The following SNX9 variants were observed in gnomAD, a reference collection of about 807,000 sequenced individuals.
SNX9 encodes sorting nexin-9.
In SNX9, 44 loss-of-function variants were observed where a neutral mutation model predicts 89.4. The ratio of observed to expected loss-of-function variants is 0.49; its 90% confidence interval spans 0.39 to 0.63. The LOEUF (loss-of-function observed/expected upper bound fraction) is 0.63, where lower values mean the gene tolerates loss of function less well. Ranked by LOEUF, SNX9 falls within the 30% of genes least tolerant of loss-of-function variation. The probability of loss-of-function intolerance (pLI) is 0.00; values close to 1 mark genes in which losing one functional copy is unlikely to be tolerated. For missense variants in SNX9, 578 were observed against 736.1 expected (o/e 0.79, Z 2.49); for synonymous variants, 236 against 247.8 (o/e 0.95, Z 0.45).
At chr6:157,882,485 C>T (rs2092561) in intron 4 of SNX9, among the ~76,000 whole-genome samples, 4,548 of 152,268 alleles carry the variant, frequency 0.03, 223 homozygotes, top group African/African-American at 0.1. Context: ...AAGGCTATGG[C>T]TGCCATAAAT....
chr6:157,853,537 T>TC (rs562408398), intron 1 of SNX9, among the ~76,000 whole-genome samples: 1 of 152,282 alleles, frequency 6.6e-6, no homozygotes, highest in South Asian at 2.1e-4. Context: ...TTTTCTGTCT[T>TC]CCCCTCCATC....
At chr6:157,876,771 G>A (rs1014068004) in intron 4 of SNX9, among the ~76,000 whole-genome samples, 20 of 152,214 alleles carry the variant, frequency 1.3e-4, no homozygotes, top group Admixed American at 6.5e-4. Context: ...GAGGCCCCGC[G>A]CCCTTTCCTA....
intron 6 of SNX9, among the ~76,000 whole-genome samples, chr6:157,905,098 C>T (rs533383587): frequency 4.7e-4 from 72 of 152,270 alleles, no homozygotes; most frequent in Non-Finnish European, 9.0e-4. Context: ...CTAAGGCTAC[C>T]TAAGTGTTGG....
intron 6 of SNX9, 35 bp from the exon 7 acceptor site, chr6:157,906,093 T>A (rs1211682277): frequency 6.4e-7 from 1 of 1,564,584 alleles, no homozygotes; most frequent in African/African-American, 1.4e-5. Context: ...ACAAGGAAAG[T>A]CTTAAGACTG....
At chr6:157,854,710 C>T (rs193281015) in intron 1 of SNX9, among the ~76,000 whole-genome samples, 3 of 152,210 alleles carry the variant, frequency 2.0e-5, no homozygotes, top group Admixed American at 6.5e-5. Context: ...ATTATTGGTT[C>T]TCAGAATGAA....
chr6:157,902,538 G>T (rs143833953), intron 6 of SNX9, among the ~76,000 whole-genome samples: 2 of 152,236 alleles, frequency 1.3e-5, no homozygotes, highest in East Asian at 3.9e-4. Context: ...CGCATCGAGT[G>T]TTCCAGTCAG....
At chr6:157,915,571 A>G (rs1783442998) in intron 9 of SNX9, among the ~76,000 whole-genome samples, 1 of 146,974 alleles carries the variant, frequency 6.8e-6, no homozygotes, top group Admixed American at 6.8e-5. Context: ...GGATCACCTG[A>G]GGTCAGGAGT....
chr6:157,924,815 G>A (rs773351680), intron 10 of SNX9: 2 of 152,184 alleles, frequency 1.3e-5, no homozygotes, highest in African/African-American at 2.4e-5. Flanking sequence ...GGTAATTATC[G>A]AAGCTGAACC....
chr6:157,915,434 A>G (rs1366266427), intron 9 of SNX9, among the ~76,000 whole-genome samples: 3 of 151,542 alleles, frequency 2.0e-5, no homozygotes, highest in Admixed American at 1.3e-4. Flanking sequence ...TTTGATTTTC[A>G]TTAGGGTTTT....
chr6:157,921,379 T>C (rs1783577663), intron 9 of SNX9, 152 bp from the exon 10 acceptor site: 4 of 678,456 alleles, frequency 5.9e-6, no homozygotes, highest in Non-Finnish European at 9.3e-6. Flanking sequence ...GCTTGTTTTT[T>C]AGATTAGTTA....
chr6:157,901,769 T>C, intron 5 of SNX9, 129 bp from the exon 6 acceptor site: 1 of 1,010,708 alleles, frequency 9.9e-7, no homozygotes, highest in African/African-American at 1.6e-5. Flanking sequence ...TCCTATACTA[T>C]ACCCTTTTCT....
At chr6:157,879,736 TG>T (rs1438297451) in intron 4 of SNX9, among the ~76,000 whole-genome samples, 3 of 152,370 alleles carry the variant, frequency 2.0e-5, no homozygotes, top group African/African-American at 7.2e-5. Flanking sequence ...GTGCTAGTCT[TG>T]TTTTTCATCA....
chr6:157,931,981 G>T (rs1311323229), intron 12 of SNX9, among the ~76,000 whole-genome samples: 1 of 152,174 alleles, frequency 6.6e-6, no homozygotes, highest in African/African-American at 2.4e-5. Context: ...GTGATTGTCA[G>T]TAATAATAGC....
In SNX9 at chr6:157,944,676, A is replaced by G. The variant is rs911515479; in HGVS notation, c.*1838A>G. ...ATTCATCATTTCAGTTCCGTAGGTCAGTGTTGCGGTCCGGGAAGCGTATCA... is the reference window on the plus strand; with the variant it reads ...ATTCATCATTTCAGTTCCGTAGGTCGGTGTTGCGGTCCGGGAAGCGTATCA... On this transcript the variant is annotated 3_prime_UTR_variant, in exon 18 of 18. Coordinates refer to ENST00000392185, the MANE Select transcript of SNX9 (RefSeq NM_016224.5). 4 of 152,164 alleles carry G rather than the reference A, an allele frequency of 2.6e-5. No homozygotes were observed. The highest frequency in any genetic ancestry group is 2.0e-4 in the Admixed American group (3 of 15,272). The allele number at this position is 152,164 out of a possible 1,614,324, so 9.4% of individuals were successfully genotyped here. A position where few individuals can be genotyped will look rare whatever the true frequency, so the allele number is the denominator to read the frequency against.
chr6:157,832,769 A>G (rs1781501103), intron 1 of SNX9, among the ~76,000 whole-genome samples: 1 of 152,176 alleles, frequency 6.6e-6, no homozygotes, highest in African/African-American at 2.4e-5. Flanking sequence ...CCATGATTCA[A>G]TTACCCCCAC....
intron 1 of SNX9, among the ~76,000 whole-genome samples, chr6:157,830,728 G>T (rs1781463867): frequency 6.6e-6 from 1 of 152,146 alleles, no homozygotes; most frequent in South Asian, 2.1e-4. Flanking sequence ...AATTTCAGTA[G>T]CCACATGTGG....
At chr6:157,876,426 G>A (rs1434230028) in intron 4 of SNX9, among the ~76,000 whole-genome samples, 1 of 152,176 alleles carries the variant, frequency 6.6e-6, no homozygotes, top group Non-Finnish European at 1.5e-5. Flanking sequence ...ACTCCAGCCT[G>A]GGCGAGTGAG....
intron 4 of SNX9, among the ~76,000 whole-genome samples, chr6:157,883,590 C>G (rs1361945191): frequency 1.3e-5 from 2 of 152,164 alleles, no homozygotes; most frequent in African/African-American, 4.8e-5. Context: ...TCTGTGATGC[C>G]TCAGTGTGGC....
chr6:157,931,054 A>G (rs182613411), intron 12 of SNX9, among the ~76,000 whole-genome samples: 7 of 152,376 alleles, frequency 4.6e-5, no homozygotes, highest in Admixed American at 4.6e-4. Context: ...CTAAATGTAG[A>G]AAGTAGGGAA....
Sources: gnomAD v4.1 joint callset for allele counts (sites outside exome capture counted in the v4.1 genomes callset) on GRCh38, gnomAD v4.1.1 for gene constraint, MANE v1.5 for transcripts, NCBI Gene and HGNC (gene_info 2026-07-23, HGNC 2026-07-21) for gene names.